CDS1: variants seen among roughly 807,000 people sequenced by gnomAD.
CDS1 encodes phosphatidate cytidylyltransferase 1.
CDS1 carries 41 observed loss-of-function variants against 62.1 expected under a neutral mutation model. The ratio of observed to expected loss-of-function variants is 0.66; its 90% CI spans 0.51 to 0.86. The LOEUF (loss-of-function observed/expected upper bound fraction) is 0.86, where lower values mean the gene tolerates loss of function less well. Among genes scored for constraint, CDS1 ranks in the 40% least tolerant of loss-of-function variants. The probability of loss-of-function intolerance (pLI) is 0.00; values close to 1 mark genes in which losing one functional copy is unlikely to be tolerated. For synonymous variants in CDS1, 185 were observed against 192.6 expected (o/e 0.96, Z 0.32); for missense variants, 470 against 550.1 (o/e 0.85, Z 1.46).
intron 11 of CDS1, 25 bp downstream of exon 11, chr4:84,643,168 A>G: frequency 6.2e-7 from 1 of 1,604,858 alleles, no homozygotes; most frequent in Non-Finnish European, 8.5e-7. Flanking sequence ...TCTTTGTTAT[A>G]TTATTAGAGA....
chr4:84,619,753 C>T (rs948666907), intron 5 of CDS1, among the ~76,000 whole-genome samples: 5 of 151,994 alleles, frequency 3.3e-5, no homozygotes, highest in African/African-American at 9.7e-5. Context: ...TCACTCCAGG[C>T]CGGGTGCGGT....
At chr4:84,631,792 G>T in intron 5 of CDS1, 27 bp from the exon 6 acceptor site, 1 of 1,597,732 alleles carries the variant, frequency 6.3e-7, no homozygotes, top group South Asian at 1.1e-5. Flanking sequence ...ATTGTACAAC[G>T]AGCACATGTT....
At chr4:84,638,871 T>TATATA (rs1167295964) in intron 8 of CDS1, 53 bp from the exon 9 acceptor site, 6 of 498,360 alleles carry the variant, frequency 1.2e-5, no homozygotes, top group South Asian at 3.6e-5. Flanking sequence ...ATATATATAT[T>TATATA]GTGAGTTTTG....
At position 84,649,523 on chromosome 4, in the gene CDS1, A is replaced by T. The variant is rs981370624; in HGVS notation, c.*837A>T. On this transcript the variant is annotated 3_prime_UTR_variant, in exon 13 of 13. Coordinates refer to ENST00000295887, the MANE Select transcript of CDS1 (RefSeq NM_001263.4). Reference sequence around the variant, plus strand: ...GGGCCATCTCTTCGTCATGTGCTTCACTTTTCCCTGTTTCCCTGTGAACTG... The same window carrying T: ...GGGCCATCTCTTCGTCATGTGCTTCTCTTTTCCCTGTTTCCCTGTGAACTG... The T allele has an allele frequency of 1.3e-5, 2 of 152,742 alleles. No homozygotes were observed. Among genetic ancestry groups the T allele is most frequent in the African/African-American group, 4.8e-5 (2 of 41,470 alleles). 9.5% of individuals were successfully genotyped at this position (152,742 alleles called of 1,614,324 possible).
intron 7 of CDS1, among the ~76,000 whole-genome samples, chr4:84,634,689 G>A (rs1024276969): frequency 1.3e-4 from 20 of 152,144 alleles, no homozygotes; most frequent in Non-Finnish European, 1.5e-4. Flanking sequence ...ATGTGCGTGT[G>A]TAAAGTAATT....
intron 1 of CDS1, among the ~76,000 whole-genome samples, chr4:84,596,755 C>T (rs952276413): frequency 6.6e-6 from 1 of 152,034 alleles, no homozygotes; most frequent in Non-Finnish European, 1.5e-5. Flanking sequence ...TGACAGGCTC[C>T]CTGAAGAAGA....
intron 3 of CDS1, among the ~76,000 whole-genome samples, chr4:84,612,496 A>G (rs1723355125): frequency 6.6e-6 from 1 of 152,156 alleles, no homozygotes; most frequent in South Asian, 2.1e-4. Flanking sequence ...CTATTTTCTA[A>G]CCACTCTTTA....
chr4:84,618,306 T>G (rs1157316983), intron 4 of CDS1, among the ~76,000 whole-genome samples: 3 of 152,164 alleles, frequency 2.0e-5, no homozygotes, highest in Non-Finnish European at 4.4e-5. Flanking sequence ...AAAAGAAGTG[T>G]CTTGATTTCG....
At chr4:84,612,673 TTTAA>T (rs1169944245) in intron 3 of CDS1, among the ~76,000 whole-genome samples, 2 of 151,882 alleles carry the variant, frequency 1.3e-5, no homozygotes, top group Admixed American at 6.6e-5. Context: ...AATTGGTGAG[TTTAA>T]TTAAAGAAGA....
intron 8 of CDS1, among the ~76,000 whole-genome samples, chr4:84,635,645 T>G (rs1318404417): frequency 3.6e-4 from 38 of 106,964 alleles, no homozygotes; most frequent in Middle Eastern, 9.5e-3. Context: ...CTTCCTTCCT[T>G]CCTTCCTTCC....
chr4:84,645,838 T>G (rs1486867724), intron 12 of CDS1, among the ~76,000 whole-genome samples: 1 of 152,172 alleles, frequency 6.6e-6, no homozygotes, highest in African/African-American at 2.4e-5. Context: ...TATAGTTTGT[T>G]AGATGGTTGT....
intron 1 of CDS1, among the ~76,000 whole-genome samples, chr4:84,588,487 C>T (rs866137021): frequency 1.3e-5 from 2 of 152,258 alleles, no homozygotes; most frequent in African/African-American, 4.8e-5. Context: ...CACACAGAGC[C>T]GGCTAAACAG....
chr4:84,624,712 A>G (rs2148651653), intron 5 of CDS1, among the ~76,000 whole-genome samples: 1 of 152,276 alleles, frequency 6.6e-6, no homozygotes, highest in South Asian at 2.1e-4. Flanking sequence ...TAACATCTCA[A>G]TTGAGTGTGG....
At chr4:84,642,101 G>A (rs1250399084) in intron 10 of CDS1, among the ~76,000 whole-genome samples, 1 of 152,186 alleles carries the variant, frequency 6.6e-6, no homozygotes, top group African/African-American at 2.4e-5. Context: ...GCCAAGGCAG[G>A]TGGATCACCT....
chr4:84,596,494 C>T (rs1245150974), intron 1 of CDS1, among the ~76,000 whole-genome samples: 1 of 152,168 alleles, frequency 6.6e-6, no homozygotes, highest in African/African-American at 2.4e-5. Context: ...CATCACTATA[C>T]CTCTGCTTCT....
chr4:84,641,061 T>A, intron 10 of CDS1, 71 bp downstream of exon 10: 1 of 901,334 alleles, frequency 1.1e-6, no homozygotes, highest in African/African-American at 1.8e-5. Flanking sequence ...CTTTATTATT[T>A]ATTTATTTAT....
In CDS1 at chr4:84,598,879, A is replaced by G. The variant is rs114088886; in HGVS notation, c.118-5364A>G. On this transcript the variant is annotated intron_variant, in intron 1 of 12. Transcript: ENST00000295887. Reference sequence around the variant, plus strand: ...GATGGAATCATCCTCTTGATGAACTATATCCTTTGTTCCCTGAGCCCCTTG... The same window carrying G: ...GATGGAATCATCCTCTTGATGAACTGTATCCTTTGTTCCCTGAGCCCCTTG... Among the ~76,000 whole-genome samples the G allele has an allele frequency of 7.4e-3, 1,124 of 152,218 alleles. 18 individuals are homozygous for G. Among genetic ancestry groups the G allele is most frequent in the African/African-American group, 0.025 (1,056 of 41,538 alleles).
At chr4:84,602,002 G>C (rs111873249) in intron 1 of CDS1, among the ~76,000 whole-genome samples, 9 of 152,198 alleles carry the variant, frequency 5.9e-5, no homozygotes, top group African/African-American at 2.2e-4. Context: ...AGTGCCGCAT[G>C]GCTCTATTTG....
At chr4:84,639,101 A>G in intron 9 of CDS1, 109 bp downstream of exon 9, 1 of 406,436 alleles carries the variant, frequency 2.5e-6, no homozygotes, top group Non-Finnish European at 4.2e-6. Flanking sequence ...CTAATAATAT[A>G]TTTATTGAAA....
Sources: allele counts gnomAD v4.1 joint callset (sites outside exome capture counted in the v4.1 genomes callset), GRCh38; gene constraint gnomAD v4.1.1; transcripts MANE v1.5; gene names NCBI Gene and HGNC (gene_info 2026-07-23, HGNC 2026-07-21).